The following CTXND1 variants were observed in gnomAD, a reference collection of about 807,000 sequenced individuals.
The protein encoded by CTXND1 is cortexin domain containing 1, also known as cortexin domain-containing 1 protein.
intron 1 of CTXND1, among the ~76,000 whole-genome samples, chr15:80,245,848 C>T (rs1266499777): frequency 6.6e-6 from 1 of 152,118 alleles, no homozygotes; most frequent in Non-Finnish European, 1.5e-5. Flanking sequence ...TCCTGGCCAG[C>T]CCCCATGCTA....
At chr15:80,203,202 G>A (rs1439016172) in intron 2 of CTXND1, among the ~76,000 whole-genome samples, 1 of 152,122 alleles carries the variant, frequency 6.6e-6, no homozygotes, top group Non-Finnish European at 1.5e-5. Flanking sequence ...CCCATACATA[G>A]CATTCGTCCC....
intron 1 of CTXND1, among the ~76,000 whole-genome samples, chr15:80,211,673 T>G (rs558716513): frequency 1.8e-4 from 27 of 152,208 alleles, no homozygotes; most frequent in Non-Finnish European, 3.5e-4. Context: ...AACACCCCCA[T>G]CCTCTAAGAA....
chr15:80,242,243 C>A lies in CTXND1; in HGVS notation c.-218+9764G>T, dbSNP rs75319499. On this transcript the variant is annotated intron_variant, in intron 1 of 2. Transcript: ENST00000560778. ...GGAGAGGCCCTAAAACGAGTTCCTG[C>A]ACCCCAGGTGTCCACTCTGTGCTTT... Among the ~76,000 whole-genome samples the A allele has an allele frequency of 3.4e-3, 514 of 152,248 alleles. 4 individuals carry two copies. Among genetic ancestry groups the A allele is most frequent in the African/African-American group, 0.012 (485 of 41,546 alleles).
chr15:80,208,880 G>A (rs1283192929), intron 1 of CTXND1, among the ~76,000 whole-genome samples: 1 of 152,204 alleles, frequency 6.6e-6, no homozygotes, highest in African/African-American at 2.4e-5. Context: ...TGTGCCCTGG[G>A]CCCTGCAGTG....
chr15:80,237,412 A>C (rs1893514995), intron 1 of CTXND1, among the ~76,000 whole-genome samples: 1 of 152,028 alleles, frequency 6.6e-6, no homozygotes, highest in Non-Finnish European at 1.5e-5. Flanking sequence ...TCCTTCAGGA[A>C]GTATTCCAGA....
intron 1 of CTXND1, among the ~76,000 whole-genome samples, chr15:80,246,394 C>T (rs1387975633): frequency 6.6e-6 from 1 of 152,226 alleles, no homozygotes; most frequent in African/African-American, 2.4e-5. Flanking sequence ...CTGGGCTTTG[C>T]TGTTTATCCG....
intron 1 of CTXND1, among the ~76,000 whole-genome samples, chr15:80,208,417 T>A (rs563670354): frequency 7.2e-5 from 11 of 152,324 alleles, no homozygotes; most frequent in South Asian, 4.1e-4. Context: ...GGGTGGAAGG[T>A]CAGTGCTCTC....
chr15:80,207,057 T>C (rs1179847667), intron 1 of CTXND1, among the ~76,000 whole-genome samples: 2 of 152,216 alleles, frequency 1.3e-5, no homozygotes, highest in Non-Finnish European at 2.9e-5. Context: ...CTCCTTCTCT[T>C]TGGTTTTCAG....
chr15:80,234,678 A>G (rs1013312669), intron 1 of CTXND1, among the ~76,000 whole-genome samples: 7 of 152,102 alleles, frequency 4.6e-5, no homozygotes, highest in Admixed American at 4.6e-4. Flanking sequence ...GGGTTTCACC[A>G]TGTTGACCAG....
chr15:80,241,519 A>G (rs569644148), intron 1 of CTXND1, among the ~76,000 whole-genome samples: 1 of 152,248 alleles, frequency 6.6e-6, no homozygotes, highest in South Asian at 2.1e-4. Flanking sequence ...GCCTCTTGGC[A>G]TCAGAAACAT....
chr15:80,227,880 A>G (rs993477060), intron 1 of CTXND1, among the ~76,000 whole-genome samples: 1 of 152,242 alleles, frequency 6.6e-6, no homozygotes, highest in Non-Finnish European at 1.5e-5. Context: ...TGCTACATCA[A>G]TGGACTCTTC....
At chr15:80,229,466 G>A (rs144263834) in intron 1 of CTXND1, among the ~76,000 whole-genome samples, 2 of 152,302 alleles carry the variant, frequency 1.3e-5, no homozygotes, top group African/African-American at 4.8e-5. Context: ...GCTGAGTGCT[G>A]ACCAGGCAAA....
chr15:80,230,784 C>A (rs1285749620), intron 1 of CTXND1, among the ~76,000 whole-genome samples: 1 of 151,858 alleles, frequency 6.6e-6, no homozygotes. Context: ...TGGCTGGGTG[C>A]GGTGGCTCAT....
intron 1 of CTXND1, among the ~76,000 whole-genome samples, chr15:80,238,008 C>CAAAAAAAAAAAAA (rs57718635): frequency 2.6e-5 from 2 of 77,106 alleles, no homozygotes; most frequent in African/African-American, 1.1e-4. Context: ...GACTCCATCT[C>CAAAAAAAAAAAAA]AAAAAAAAAA....
chr15:80,242,147 G>A (rs1300902577), intron 1 of CTXND1, among the ~76,000 whole-genome samples: 1 of 152,186 alleles, frequency 6.6e-6, no homozygotes, highest in Non-Finnish European at 1.5e-5. Context: ...GAGAGACAGA[G>A]AGGCTGCACT....
At chr15:80,229,579 G>A (rs550034744) in intron 1 of CTXND1, among the ~76,000 whole-genome samples, 9 of 152,154 alleles carry the variant, frequency 5.9e-5, no homozygotes, top group Non-Finnish European at 1.0e-4. Flanking sequence ...TCATGTGTGG[G>A]CATCCATTCT....
chr15:80,206,291 C>A (rs1181900486), intron 1 of CTXND1, among the ~76,000 whole-genome samples: 1 of 152,160 alleles, frequency 6.6e-6, no homozygotes, highest in Non-Finnish European at 1.5e-5. Context: ...ATATTAAATG[C>A]ATCATTTTGA....
intron 1 of CTXND1, among the ~76,000 whole-genome samples, chr15:80,218,048 T>C (rs1175805160): frequency 3.9e-5 from 6 of 152,238 alleles, no homozygotes; most frequent in Non-Finnish European, 8.8e-5. Flanking sequence ...AAATTGTCCA[T>C]ATTATGTATT....
intron 1 of CTXND1, among the ~76,000 whole-genome samples, chr15:80,204,211 T>TATATACACAC (rs34959327): frequency 1.5e-3 from 134 of 89,272 alleles, no homozygotes; most frequent in African/African-American, 5.7e-3. Context: ...CACAAACACA[T>TATATACACAC]ACACACATGC....
Sources: allele counts gnomAD v4.1 joint callset (sites outside exome capture counted in the v4.1 genomes callset), GRCh38; gene constraint gnomAD v4.1.1; transcripts MANE v1.5; gene names NCBI Gene and HGNC (gene_info 2026-07-23, HGNC 2026-07-21).